The following USP31 variants were observed in gnomAD, a reference collection of about 807,000 sequenced individuals.
USP31 encodes ubiquitin specific peptidase 31, also known as ubiquitin carboxyl-terminal hydrolase 31.
USP31 carries 44 observed loss-of-function variants against 119.4 expected under a neutral mutation model. The observed-to-expected ratio is 0.37, with a 90% CI of 0.29 to 0.47. The LOEUF (loss-of-function observed/expected upper bound fraction) is 0.47, where lower values mean the gene tolerates loss of function less well. USP31 is among the 20% of genes least tolerant of loss of function. USP31 has a pLI of 0.99. For missense variants in USP31, 1,643 were observed against 1,730.2 expected (o/e 0.95, Z 0.89); for synonymous variants, 749 against 705.6 (o/e 1.06, Z -0.97).
At chr16:23,084,596 CA>C (rs1901010866) in intron 11 of USP31, among the ~76,000 whole-genome samples, 1 of 151,980 alleles carries the variant, frequency 6.6e-6, no homozygotes, top group Admixed American at 6.6e-5. Context: ...AGAAAATCAC[CA>C]AAACTTGATC....
chr16:23,077,474 G>A (rs527250716), intron 13 of USP31, among the ~76,000 whole-genome samples: 8 of 152,244 alleles, frequency 5.3e-5, no homozygotes, highest in African/African-American at 1.4e-4. Flanking sequence ...CAAGGCCAAC[G>A]GACTCCTCTG....
chr16:23,107,105 T>C (rs1902140557), intron 2 of USP31, among the ~76,000 whole-genome samples: 1 of 147,836 alleles, frequency 6.8e-6, no homozygotes, highest in South Asian at 2.2e-4. Context: ...AGAGCGAAAG[T>C]CCGTCTCAAA....
In USP31 at chr16:23,093,832, T is replaced by G. The variant is rs117612262; in HGVS notation, c.1235-3028A>C. Reference sequence around the variant, plus strand: ...ACAAAATGTGGTACATGCATATGTATGTATGGAATACTGTTCGGCCATTAA... The same window carrying G: ...ACAAAATGTGGTACATGCATATGTAGGTATGGAATACTGTTCGGCCATTAA... On this transcript the variant is annotated intron_variant, in intron 6 of 15. Coordinates refer to ENST00000219689, the MANE Select transcript of USP31 (RefSeq NM_020718.4). Among the ~76,000 whole-genome samples the G allele has an allele frequency of 3.9e-3, 599 of 152,368 alleles. 4 individuals carry two copies. The highest frequency in any genetic ancestry group is 6.8e-3 in the Middle Eastern group (2 of 294).
chr16:23,131,660 T>C (rs1429467345), intron 1 of USP31, among the ~76,000 whole-genome samples: 2 of 152,140 alleles, frequency 1.3e-5, no homozygotes, highest in Non-Finnish European at 2.9e-5. Context: ...AGAACTCTAA[T>C]GAACCATAAA....
At chr16:23,135,729 T>C (rs756516228) in intron 1 of USP31, among the ~76,000 whole-genome samples, 3 of 152,218 alleles carry the variant, frequency 2.0e-5, no homozygotes, top group Non-Finnish European at 4.4e-5. Flanking sequence ...CTTAAAAGAC[T>C]TAATATTGTT....
intron 1 of USP31, among the ~76,000 whole-genome samples, chr16:23,144,354 T>C (rs1046354305): frequency 6.6e-6 from 1 of 152,138 alleles, no homozygotes; most frequent in Non-Finnish European, 1.5e-5. Flanking sequence ...CTGAGCAGGA[T>C]TCTAAGGCTG....
intron 1 of USP31, among the ~76,000 whole-genome samples, chr16:23,123,524 C>T (rs1290664661): frequency 6.6e-6 from 1 of 151,786 alleles, no homozygotes; most frequent in Non-Finnish European, 1.5e-5. Flanking sequence ...GACAACAGAA[C>T]AAGGCTGCAT....
At chr16:23,143,298 G>A (rs1280575747) in intron 1 of USP31, among the ~76,000 whole-genome samples, 1 of 152,108 alleles carries the variant, frequency 6.6e-6, no homozygotes, top group Non-Finnish European at 1.5e-5. Flanking sequence ...TATCTTTCTT[G>A]CTTGAAAGAT....
intron 1 of USP31, among the ~76,000 whole-genome samples, chr16:23,146,986 G>T (rs1320877848): frequency 1.3e-5 from 2 of 151,536 alleles, no homozygotes; most frequent in East Asian, 3.9e-4. Context: ...AAAAAAAATG[G>T]GTGGGGGGTG....
chr16:23,105,612 C>T (rs764092541), intron 4 of USP31, 36 bp from the exon 5 acceptor site: 1 of 1,492,282 alleles, frequency 6.7e-7, no homozygotes, highest in South Asian at 1.4e-5. Context: ...TCATTAGTCA[C>T]TTATTTCAAC....
At chr16:23,129,873 A>C (rs976794574) in intron 1 of USP31, among the ~76,000 whole-genome samples, 6 of 152,198 alleles carry the variant, frequency 3.9e-5, no homozygotes, top group Non-Finnish European at 7.3e-5. Context: ...CTCTGGACCC[A>C]GGAAGGAGAA....
chr16:23,123,537 CAAAT>C (rs1035316965), intron 1 of USP31, among the ~76,000 whole-genome samples: 13 of 151,624 alleles, frequency 8.6e-5, no homozygotes, highest in East Asian at 3.9e-4. Context: ...GGCTGCATCT[CAAAT>C]AAATAAATAA....
chr16:23,132,503 G>A (rs147095553), intron 1 of USP31, among the ~76,000 whole-genome samples: 1 of 152,086 alleles, frequency 6.6e-6, no homozygotes, highest in East Asian at 1.9e-4. Flanking sequence ...CGCACAAATA[G>A]AACAAAAGTA....
At chr16:23,110,480 TAGAC>T (rs1323715890) in intron 1 of USP31, among the ~76,000 whole-genome samples, 1 of 152,112 alleles carries the variant, frequency 6.6e-6, no homozygotes, top group African/African-American at 2.4e-5. Flanking sequence ...CCAGGTCTAT[TAGAC>T]AGAATGGGAG....
At chr16:23,114,599 T>G (rs562833723) in intron 1 of USP31, among the ~76,000 whole-genome samples, 6 of 152,304 alleles carry the variant, frequency 3.9e-5, no homozygotes, top group Non-Finnish European at 8.8e-5. Context: ...TTATCAAGAC[T>G]GCATTAAATT....
Position 23,069,330 on chromosome 16 carries a change from T to C in USP31, c.2775A>G (p.Pro925=). 1 of 1,602,910 alleles carries C rather than the reference T, an allele frequency of 6.2e-7. No individual in the cohort carries two copies. Among genetic ancestry groups the C allele is most frequent in the Non-Finnish European group, 8.5e-7 (1 of 1,173,556 alleles). The change falls in exon 16 of 16, where the codon CCA becomes CCG. Residue 925 remains proline (P), a synonymous_variant. Coordinates refer to ENST00000219689, the MANE Select transcript of USP31 (RefSeq NM_020718.4). ...LRNLSSSYQE[P]SDSHSRREHK... ...GCTCACGGCGACTATGACTGTCGCT[T>C]GGTTCCTGGTAACTGCTAGAAAGGT...
In USP31 at chr16:23,063,791, G is replaced by A. The variant is rs751144580; in HGVS notation, c.*4255C>T. On this transcript the variant is annotated 3_prime_UTR_variant, in exon 16 of 16. Coordinates refer to ENST00000219689, the MANE Select transcript of USP31 (RefSeq NM_020718.4). Reference sequence around the variant, plus strand: ...ATATGTTTTATTGTTTGCTTGCATAGGTAGTAAGAGCATGCTTTCTGAGTT... The same window carrying A: ...ATATGTTTTATTGTTTGCTTGCATAAGTAGTAAGAGCATGCTTTCTGAGTT... The A allele has an allele frequency of 6.6e-6, 1 of 151,650 alleles. No homozygotes were observed. The highest frequency in any genetic ancestry group is 1.5e-5 in the Non-Finnish European group (1 of 67,952). 9.4% of individuals were successfully genotyped at this position (151,650 alleles called of 1,614,324 possible).
intron 1 of USP31, among the ~76,000 whole-genome samples, chr16:23,133,452 G>T (rs915036102): frequency 2.6e-5 from 4 of 152,162 alleles, no homozygotes; most frequent in African/African-American, 9.7e-5. Context: ...GAGGGAGTTG[G>T]GGGGAGACGG....
intron 1 of USP31, among the ~76,000 whole-genome samples, chr16:23,125,222 A>G (rs908248121): frequency 6.6e-6 from 1 of 152,216 alleles, no homozygotes; most frequent in African/African-American, 2.4e-5. Context: ...TGTGGCAATG[A>G]AAAGGAAAAT....
Sources: allele counts gnomAD v4.1 joint callset (sites outside exome capture counted in the v4.1 genomes callset), GRCh38; gene constraint gnomAD v4.1.1; transcripts MANE v1.5; gene names NCBI Gene and HGNC (gene_info 2026-07-23, HGNC 2026-07-21).